Variants in KHDRBS2 observed in about 807,000 individuals in gnomAD.
KHDRBS2 encodes KH domain-containing, RNA-binding, signal transduction-associated protein 2.
A neutral mutation model predicts 44.3 loss-of-function variants in KHDRBS2; 26 were observed. The observed-to-expected ratio is 0.59, with a 90% CI of 0.43 to 0.81. The LOEUF (loss-of-function observed/expected upper bound fraction) is 0.81, where lower values mean the gene tolerates loss of function less well. Ranked by LOEUF, KHDRBS2 falls within the 40% of genes least tolerant of loss-of-function variation. The pLI is 0.00. For missense variants in KHDRBS2, 476 were observed against 433.1 expected (o/e 1.10, Z -0.88); for synonymous variants, 194 against 151.1 (o/e 1.28, Z -2.08).
chr6:61,570,124 T>C, the KHDRBS2 span, among the ~76,000 whole-genome samples: 32 of 151,898 alleles, frequency 2.1e-4, no homozygotes, highest in Non-Finnish European at 3.8e-4. Flanking sequence ...ATTAATAAGG[T>C]ACTCAAGGAG....
chr6:61,765,628 A>T (rs1779892700), intron 6 of KHDRBS2, among the ~76,000 whole-genome samples: 1 of 152,062 alleles, frequency 6.6e-6, no homozygotes, highest in South Asian at 2.1e-4. Context: ...TGGGTCTGTT[A>T]TATATGGCCT....
intron 3 of KHDRBS2, among the ~76,000 whole-genome samples, chr6:61,997,341 G>A (rs373998578): frequency 6.6e-6 from 1 of 152,260 alleles, no homozygotes; most frequent in African/African-American, 2.4e-5. Flanking sequence ...CCCCACACTT[G>A]ACTCCTCTTT....
At chr6:62,255,787 G>A (rs1250133876) in intron 1 of KHDRBS2, among the ~76,000 whole-genome samples, 2 of 151,630 alleles carry the variant, frequency 1.3e-5, no homozygotes, top group African/African-American at 2.4e-5. Context: ...CATCCTATAC[G>A]CTTTTACATA....
intron 6 of KHDRBS2, among the ~76,000 whole-genome samples, chr6:61,765,539 A>T (rs1374524181): frequency 6.6e-6 from 1 of 152,162 alleles, no homozygotes; most frequent in Non-Finnish European, 1.5e-5. Flanking sequence ...ATGGGTACAT[A>T]ATAGGCATGT....
At position 62,178,753 on chromosome 6, in the gene KHDRBS2, T is replaced by A. The variant is rs376734448; in HGVS notation, c.92-1441A>T. Among the ~76,000 whole-genome samples, 67 of 151,672 alleles carry A rather than the reference T, an allele frequency of 4.4e-4. No homozygotes were observed. In the East Asian group the frequency reaches 5.2e-3, roughly 12 times the overall value. On this transcript the variant is annotated intron_variant, in intron 1 of 8. Transcript: ENST00000281156. The stretch of plus-strand genomic sequence containing the variant: ...AGTTATTATAATGATCATAACATAA[T>A]CAGTAAATATTTCTTTTTGTTCTTT...
Position 61,680,678 on chromosome 6 carries a change from C to T in KHDRBS2, c.*285G>A, listed in dbSNP as rs1244002197. On this transcript the variant is annotated 3_prime_UTR_variant, in exon 9 of 9. Coordinates refer to ENST00000281156, the MANE Select transcript of KHDRBS2 (RefSeq NM_152688.4). ...AGAAAAAGAAAAAAAAAAGATTACA[C>T]ACAACAATGAAAAACAACCAAGAGA... 2 of 210,128 alleles carry T rather than the reference C, an allele frequency of 9.5e-6. No homozygotes were observed. Among genetic ancestry groups the T allele is most frequent in the African/African-American group, 2.3e-5 (1 of 43,058 alleles). The allele number at this position is 210,128 out of a possible 1,614,324, so 13.0% of individuals were successfully genotyped here.
chr6:61,983,146 T>C (rs1331310905), intron 3 of KHDRBS2, among the ~76,000 whole-genome samples: 3 of 151,590 alleles, frequency 2.0e-5, no homozygotes, highest in East Asian at 3.9e-4. Flanking sequence ...TTGAGAATTA[T>C]GTGCATCAAA....
At chr6:61,910,527 CA>C (rs1219888157) in intron 4 of KHDRBS2, among the ~76,000 whole-genome samples, 1 of 152,136 alleles carries the variant, frequency 6.6e-6, no homozygotes, top group Non-Finnish European at 1.5e-5. Flanking sequence ...TTACTAAGGT[CA>C]CATTGCCCAT....
the KHDRBS2 span, among the ~76,000 whole-genome samples, chr6:61,623,779 A>G: frequency 6.6e-6 from 1 of 152,162 alleles, no homozygotes; most frequent in African/African-American, 2.4e-5. Flanking sequence ...GACCGACTGA[A>G]GAAGGGAAAA....
intron 2 of KHDRBS2, among the ~76,000 whole-genome samples, chr6:62,113,095 C>T (rs1805398050): frequency 6.6e-6 from 1 of 152,066 alleles, no homozygotes; most frequent in Non-Finnish European, 1.5e-5. Context: ...TGGATTGCCT[C>T]AAATATCTCA....
chr6:61,916,251 T>C (rs1211658286), intron 4 of KHDRBS2, among the ~76,000 whole-genome samples: 1 of 152,060 alleles, frequency 6.6e-6, no homozygotes, highest in Non-Finnish European at 1.5e-5. Context: ...TTGAATTTTA[T>C]ACAGGCAAAG....
At chr6:61,650,767 T>G in the KHDRBS2 span, among the ~76,000 whole-genome samples, 1 of 152,056 alleles carries the variant, frequency 6.6e-6, no homozygotes, top group Admixed American at 6.6e-5. Context: ...TTCTCCAAAT[T>G]TTGTAGACCA....
the KHDRBS2 span, among the ~76,000 whole-genome samples, chr6:61,627,119 A>G: frequency 2.6e-5 from 4 of 151,036 alleles, no homozygotes; most frequent in South Asian, 2.1e-4. Flanking sequence ...CGGGCGTGGT[A>G]GCGGGCGCCT....
At chr6:61,642,772 T>C in the KHDRBS2 span, among the ~76,000 whole-genome samples, 1 of 152,172 alleles carries the variant, frequency 6.6e-6, no homozygotes, top group Non-Finnish European at 1.5e-5. Context: ...GCCATCATGT[T>C]CCAACAAATA....
At chr6:62,268,361 G>A (rs1256550903) in intron 1 of KHDRBS2, among the ~76,000 whole-genome samples, 1 of 152,064 alleles carries the variant, frequency 6.6e-6, no homozygotes, top group Non-Finnish European at 1.5e-5. Context: ...TAGTGGTTTA[G>A]TACTTGAGGG....
At chr6:61,960,445 T>C (rs1387350550) in intron 4 of KHDRBS2, among the ~76,000 whole-genome samples, 4 of 152,116 alleles carry the variant, frequency 2.6e-5, no homozygotes, top group Non-Finnish European at 5.9e-5. Flanking sequence ...GCAGGGGGAA[T>C]TTTACACTCA....
chr6:61,915,886 C>T (rs1329076131), intron 4 of KHDRBS2, among the ~76,000 whole-genome samples: 2 of 151,948 alleles, frequency 1.3e-5, no homozygotes, highest in Admixed American at 1.3e-4. Context: ...ATTTAGCAAA[C>T]CACAAAAGCC....
At chr6:62,161,398 A>G (rs2150112043) in intron 2 of KHDRBS2, among the ~76,000 whole-genome samples, 1 of 151,662 alleles carries the variant, frequency 6.6e-6, no homozygotes, top group East Asian at 1.9e-4. Context: ...ATAATATCCA[A>G]TAAAGTATAA....
At chr6:61,685,266 T>C (rs1266177301) in intron 8 of KHDRBS2, among the ~76,000 whole-genome samples, 1 of 151,790 alleles carries the variant, frequency 6.6e-6, no homozygotes, top group East Asian at 1.9e-4. Flanking sequence ...CTTTAAAGAC[T>C]TTCCTGTGTT....
Sources: allele counts gnomAD v4.1 joint callset (sites outside exome capture counted in the v4.1 genomes callset), GRCh38; gene constraint gnomAD v4.1.1; transcripts MANE v1.5; gene names NCBI Gene and HGNC (gene_info 2026-07-23, HGNC 2026-07-21).